MYO1D: variants seen among roughly 807,000 people sequenced by gnomAD.
MYO1D encodes myosin ID, also known as unconventional myosin-Id.
A neutral mutation model predicts 122.0 loss-of-function variants in MYO1D; 83 were observed. The observed-to-expected ratio is 0.68, with a 90% CI of 0.57 to 0.82. MYO1D has a LOEUF of 0.82. MYO1D is among the 40% of genes least tolerant of loss of function. The pLI, the probability that MYO1D is intolerant of heterozygous loss-of-function variation, is 0.00. For synonymous variants in MYO1D, 464 were observed against 446.9 expected, an observed-to-expected ratio of 1.04 and a Z score of -0.48; for missense variants, 1,157 against 1,269.5, an observed-to-expected ratio of 0.91 and a Z score of 1.35.
Position 32,712,082 on chromosome 17 carries a change from T to C in MYO1D, c.2027A>G (p.Lys676Arg). 6.2e-7 allele frequency: 1 copy of C among 1,614,176 alleles called. No homozygotes were observed. The highest frequency in any genetic ancestry group is 1.1e-5 in the South Asian group (1 of 91,084). The change falls in exon 16 of 22, where the codon AAG becomes AGG. Residue 676 changes from lysine (K) to arginine (R), a missense_variant. Lys to Arg is a conservative substitution (Grantham distance 26). Transcript: ENST00000318217. ...CGFQDDVAYG[K>R]TKIFIRTPRT... ...GGGTGTTCGAATGAAAATTTTGGTC[T>C]TCCCATAAGCTACATCATCCTGAAA...
At chr17:32,496,737 C>T (rs1260895956) in intron 21 of MYO1D, among the ~76,000 whole-genome samples, 2 of 152,162 alleles carry the variant, frequency 1.3e-5, no homozygotes, top group South Asian at 2.1e-4. Context: ...ACCCTGGCAG[C>T]GGCCTCCCCC....
intron 21 of MYO1D, among the ~76,000 whole-genome samples, chr17:32,568,821 C>T (rs900445967): frequency 1.3e-5 from 2 of 152,238 alleles, no homozygotes; most frequent in Non-Finnish European, 2.9e-5. Context: ...TGAGTGCACA[C>T]ACCTCCAGAG....
intron 21 of MYO1D, among the ~76,000 whole-genome samples, chr17:32,500,038 C>T (rs1909263869): frequency 6.6e-6 from 1 of 152,210 alleles, no homozygotes; most frequent in Admixed American, 6.5e-5. Flanking sequence ...ACCACATGTA[C>T]TGGTCTCCAC....
intron 1 of MYO1D, among the ~76,000 whole-genome samples, chr17:32,802,780 AG>A (rs1346203067): frequency 3.3e-5 from 5 of 152,366 alleles, no homozygotes; most frequent in Non-Finnish European, 7.3e-5. Context: ...TTGTTTATAC[AG>A]ATTATAATAA....
intron 10 of MYO1D, among the ~76,000 whole-genome samples, chr17:32,757,302 G>T (rs1215597460): frequency 6.6e-6 from 1 of 151,992 alleles, no homozygotes; most frequent in Admixed American, 6.6e-5. Context: ...AGGGGAATAG[G>T]GGGAATTTTG....
chr17:32,757,271 C>T (rs954515581), intron 10 of MYO1D, among the ~76,000 whole-genome samples: 1 of 152,022 alleles, frequency 6.6e-6, no homozygotes, highest in Non-Finnish European at 1.5e-5. Flanking sequence ...TCTGATCTGT[C>T]TAAACTAAAG....
chr17:32,516,701 T>G (rs1266820272), intron 21 of MYO1D, among the ~76,000 whole-genome samples: 1 of 152,260 alleles, frequency 6.6e-6, no homozygotes, highest in African/African-American at 2.4e-5. Flanking sequence ...GATACCTCAG[T>G]GGGCAGTTTA....
chr17:32,875,830 A>C (rs1184760486), intron 1 of MYO1D, among the ~76,000 whole-genome samples: 1 of 152,230 alleles, frequency 6.6e-6, no homozygotes, highest in Non-Finnish European at 1.5e-5. Context: ...AATGCAGCCA[A>C]AGCTTGCAGG....
intron 20 of MYO1D, 48 bp downstream of exon 20, chr17:32,638,674 A>G: frequency 7.5e-7 from 1 of 1,336,486 alleles, no homozygotes; most frequent in Non-Finnish European, 1.1e-6. Flanking sequence ...GTGGTCCATG[A>G]GCACCAGGTT....
intron 21 of MYO1D, among the ~76,000 whole-genome samples, chr17:32,553,924 C>G (rs1052891615): frequency 6.6e-6 from 1 of 152,148 alleles, no homozygotes; most frequent in Non-Finnish European, 1.5e-5. Context: ...GAACTATATC[C>G]TTTTAAAATA....
At chr17:32,614,638 C>G (rs1368649952) in intron 20 of MYO1D, among the ~76,000 whole-genome samples, 1 of 152,180 alleles carries the variant, frequency 6.6e-6, no homozygotes, top group Non-Finnish European at 1.5e-5. Flanking sequence ...ACATCTTGTT[C>G]CCTCCTTACT....
chr17:32,634,799 A>T (rs1379540777), intron 20 of MYO1D, among the ~76,000 whole-genome samples: 9 of 152,126 alleles, frequency 5.9e-5, no homozygotes, highest in African/African-American at 2.2e-4. Flanking sequence ...AGGACCTAGG[A>T]TGCCTGGCCA....
intron 11 of MYO1D, among the ~76,000 whole-genome samples, chr17:32,752,683 TA>T (rs1380456309): frequency 1.3e-5 from 2 of 152,174 alleles, no homozygotes; most frequent in African/African-American, 4.8e-5. Flanking sequence ...TCAACATCAC[TA>T]ATCATCAGAG....
intron 21 of MYO1D, among the ~76,000 whole-genome samples, chr17:32,521,830 T>A (rs1280602437): frequency 6.6e-6 from 1 of 152,082 alleles, no homozygotes; most frequent in Admixed American, 6.5e-5. Flanking sequence ...ACGCCTGTAA[T>A]CCCCGCACTT....
At chr17:32,622,368 TGTATGG>T (rs1171021324) in intron 20 of MYO1D, among the ~76,000 whole-genome samples, 23 of 152,230 alleles carry the variant, frequency 1.5e-4, no homozygotes, top group Admixed American at 5.2e-4. Flanking sequence ...GAACACCTAC[TGTATGG>T]CAGGCAGTGT....
Position 32,818,125 on chromosome 17 carries a change from C to CAA in MYO1D, c.96-37343_96-37342dup, listed in dbSNP as rs58466009. Among the ~76,000 whole-genome samples the CAA allele has an allele frequency of 1.3e-3, 58 of 45,970 alleles. 2 individuals carry two copies. The East Asian group carries it at 0.024, about 19-fold the overall frequency. The allele number at this position is 45,970 out of a possible 152,430, so 30.2% of individuals were successfully genotyped here. A position where few individuals can be genotyped will look rare whatever the true frequency, so the allele number is the denominator to read the frequency against. On this transcript the variant is annotated intron_variant, in intron 1 of 21. Transcript: ENST00000318217. ...TGGGCGACAGAGCGAGACTCCGTCTCAAAAAAAAAAAAAAAAAAAAGAGGT... is the reference window on the plus strand; with the variant it reads ...TGGGCGACAGAGCGAGACTCCGTCTCAAAAAAAAAAAAAAAAAAAAAAGAGGT...
intron 10 of MYO1D, 55 bp from the exon 11 acceptor site, chr17:32,755,717 A>G: frequency 1.3e-6 from 2 of 1,498,438 alleles, no homozygotes; most frequent in Middle Eastern, 1.8e-4. Context: ...AGGCCAGGTT[A>G]AACCCTGATG....
rs985541533 is a variant in MYO1D at position 32,661,633 on chromosome 17, C to T, written c.2122-2295G>A. Among the ~76,000 whole-genome samples the T allele has an allele frequency of 1.1e-4, 16 of 147,738 alleles. No homozygotes were observed. In the South Asian group the frequency reaches 1.1e-3, roughly 10 times the overall value. On this transcript the variant is annotated intron_variant, in intron 16 of 21. Transcript: ENST00000318217. ...TTGCACCACTGTACTCCAGCCTGGGCGATGGAAGTGAGACCCTGTCCCAAA... is the reference window on the plus strand; with the variant it reads ...TTGCACCACTGTACTCCAGCCTGGGTGATGGAAGTGAGACCCTGTCCCAAA...
chr17:32,739,589 T>C (rs1358406646), intron 13 of MYO1D, among the ~76,000 whole-genome samples: 1 of 151,312 alleles, frequency 6.6e-6, no homozygotes, highest in Non-Finnish European at 1.5e-5. Context: ...CATGTATACA[T>C]ATGTAACAAA....
Sources: allele counts gnomAD v4.1 joint callset (sites outside exome capture counted in the v4.1 genomes callset), GRCh38; gene constraint gnomAD v4.1.1; transcripts MANE v1.5; gene names NCBI Gene and HGNC (gene_info 2026-07-23, HGNC 2026-07-21).